XXYLT1: variants seen among roughly 807,000 people sequenced by gnomAD.
The protein encoded by XXYLT1 is UDP-xylose:alpha-xyloside alpha-1,3-xylosyltransferase.
XXYLT1 carries 20 observed loss-of-function variants against 28.9 expected under a neutral mutation model. The observed-to-expected ratio is 0.69, with a 90% CI of 0.49 to 1.00. The LOEUF (loss-of-function observed/expected upper bound fraction) is 1.00. XXYLT1 is among the 50% of genes least tolerant of loss of function. XXYLT1 has a pLI of 0.00. For synonymous variants in XXYLT1, 257 were observed against 253.8 expected (o/e 1.01, Z -0.12); for missense variants, 542 against 560.1 (o/e 0.97, Z 0.33).
chr3:195,265,044 A>G (rs1347843777), intron 1 of XXYLT1, among the ~76,000 whole-genome samples: 1 of 151,928 alleles, frequency 6.6e-6, no homozygotes, highest in African/African-American at 2.4e-5. Flanking sequence ...CCTGCGCGGC[A>G]GACAGAAACC....
At chr3:195,212,547 G>A (rs1207363102) in intron 2 of XXYLT1, among the ~76,000 whole-genome samples, 2 of 152,156 alleles carry the variant, frequency 1.3e-5, no homozygotes, top group African/African-American at 4.8e-5. Context: ...CGCACAGCAG[G>A]CGGTGGGAGG....
intron 3 of XXYLT1, among the ~76,000 whole-genome samples, chr3:195,112,755 GCGCGCATGCA>G (rs1717836298): frequency 8.7e-6 from 1 of 114,672 alleles, no homozygotes; most frequent in Non-Finnish European, 1.9e-5. Context: ...CTGAAGCAGT[GCGCGCATGCA>G]CACACACACA....
Position 195,076,150 on chromosome 3 carries a change from T to C in XXYLT1, c.786-6039A>G, listed in dbSNP as rs1244783864. ...CAACTGCTGGCATCTCTGCACCATC[T>C]GCACAGCCTGAGAGAACAGAGGTTC... On this transcript the variant is annotated intron_variant, in intron 3 of 3. Transcript: ENST00000310380. This position sits in a 1 kb window ranked among gnomAD's most constrained non-coding sequence, Gnocchi z 5.3. Among the ~76,000 whole-genome samples, 1 of 152,168 alleles carries C rather than the reference T, an allele frequency of 6.6e-6. No homozygotes were observed. Among genetic ancestry groups the C allele is most frequent in the Non-Finnish European group, 1.5e-5 (1 of 68,026 alleles).
rs75460797 is a variant in XXYLT1 at position 195,104,758 on chromosome 3, G to A, written c.786-34647C>T. On this transcript the variant is annotated intron_variant, in intron 3 of 3. Coordinates refer to ENST00000310380, the MANE Select transcript of XXYLT1 (RefSeq NM_152531.5). ...TTTAAATGTTGGCAACTAATACAAAGTAACAACAACAACAAAATGCTACAG... is the reference window on the plus strand; with the variant it reads ...TTTAAATGTTGGCAACTAATACAAAATAACAACAACAACAAAATGCTACAG... Among the ~76,000 whole-genome samples, 1,085 of 152,216 alleles carry A rather than the reference G, an allele frequency of 7.1e-3. 6 individuals are homozygous for A. Among genetic ancestry groups the A allele is most frequent in the Admixed American group, 0.011 (171 of 15,294 alleles).
chr3:195,148,580 C>T (rs1189038953), intron 3 of XXYLT1, among the ~76,000 whole-genome samples: 1 of 152,140 alleles, frequency 6.6e-6, no homozygotes, highest in Non-Finnish European at 1.5e-5. Context: ...GGCTGGTTCC[C>T]TTACAACGGA....
intron 1 of XXYLT1, among the ~76,000 whole-genome samples, chr3:195,250,142 G>A (rs1006067382): frequency 6.6e-6 from 1 of 152,152 alleles, no homozygotes; most frequent in Non-Finnish European, 1.5e-5. Context: ...CTGAGCCTCC[G>A]ACACAGCAGC....
chr3:195,217,096 T>A (rs891032554), intron 2 of XXYLT1, among the ~76,000 whole-genome samples: 3 of 135,696 alleles, frequency 2.2e-5, no homozygotes, highest in Non-Finnish European at 4.5e-5. Context: ...GAAAAAGCCT[T>A]TGATAAAATT....
At chr3:195,125,818 C>T (rs1176351305) in intron 3 of XXYLT1, among the ~76,000 whole-genome samples, 1 of 152,192 alleles carries the variant, frequency 6.6e-6, no homozygotes, top group Non-Finnish European at 1.5e-5. Flanking sequence ...TGGCAGAGAC[C>T]TGCGTGAGGA....
At chr3:195,172,882 T>C (rs1371212020) in intron 2 of XXYLT1, among the ~76,000 whole-genome samples, 2 of 152,160 alleles carry the variant, frequency 1.3e-5, no homozygotes, top group Non-Finnish European at 2.9e-5. Context: ...CACATTTCTG[T>C]TAAAAAGCGG....
chr3:195,158,860 T>C (rs77855194), intron 2 of XXYLT1, among the ~76,000 whole-genome samples: 19,083 of 152,218 alleles, frequency 0.13, 1,753 homozygotes, highest in East Asian at 0.42. Flanking sequence ...TGGAATTCAT[T>C]AGGATGAGGT....
intron 1 of XXYLT1, chr3:195,270,225 G>C (rs1376505091): frequency 1.7e-6 from 1 of 580,288 alleles, no homozygotes. Flanking sequence ...ATAAACAGAG[G>C]TGCAGACTCT....
Position 195,268,445 on chromosome 3 carries a change from C to A in XXYLT1, c.504+2110G>T, listed in dbSNP as rs202065674. Among the ~76,000 whole-genome samples, 210 of 131,168 alleles carry A rather than the reference C, an allele frequency of 1.6e-3. 1 individual carries two copies. The highest frequency in any genetic ancestry group is 1.3e-3 in the Non-Finnish European group (77 of 61,328). 86.1% of individuals were successfully genotyped at this position (131,168 alleles called of 152,430 possible). On this transcript the variant is annotated intron_variant, in intron 1 of 3. Coordinates refer to ENST00000310380, the MANE Select transcript of XXYLT1 (RefSeq NM_152531.5). The stretch of plus-strand genomic sequence containing the variant: ...AAACTCTGTCTCAAAAAAAAAAAAA[C>A]AAAAAATTTAGCCAGCGTGGTGGTG...
At chr3:195,270,100 T>G in intron 1 of XXYLT1, 1 of 296,350 alleles carries the variant, frequency 3.4e-6, no homozygotes, top group Non-Finnish European at 6.9e-6. Flanking sequence ...TTAAGAGCAA[T>G]GAGAAGTGTC....
chr3:195,228,953 CA>C (rs1462178350), intron 1 of XXYLT1, among the ~76,000 whole-genome samples: 1 of 151,926 alleles, frequency 6.6e-6, no homozygotes, highest in African/African-American at 2.4e-5. Context: ...GCTGGGATTA[CA>C]GGCGCCCACC....
chr3:195,193,013 C>T (rs908148130), intron 2 of XXYLT1, among the ~76,000 whole-genome samples: 55 of 152,136 alleles, frequency 3.6e-4, no homozygotes, highest in African/African-American at 1.2e-3. Flanking sequence ...TGGCCAGGCA[C>T]GATGGCTCAC....
rs1164653182 is a variant in XXYLT1, at chr3:195,127,647, C to T, written c.785+28802G>A. Among the ~76,000 whole-genome samples the T allele has an allele frequency of 3.3e-5, 5 of 152,024 alleles. No homozygotes were observed. In the South Asian group the frequency reaches 6.2e-4, roughly 19 times the overall value. On this transcript the variant is annotated intron_variant, in intron 3 of 3. Transcript: ENST00000310380. Reference sequence around the variant, plus strand: ...AAACAATTTGCTGGGCATGGTGACACGTGCCTGTAGACCCAGCTACTTGGG... The same window carrying T: ...AAACAATTTGCTGGGCATGGTGACATGTGCCTGTAGACCCAGCTACTTGGG...
Position 195,077,704 on chromosome 3 carries a change from G to A in XXYLT1, c.786-7593C>T, listed in dbSNP as rs1014452645. 6.6e-6 allele frequency among the ~76,000 whole-genome samples: 1 copy of A among 152,202 alleles called. No individual in the cohort carries two copies. Among genetic ancestry groups the A allele is most frequent in the Non-Finnish European group, 1.5e-5 (1 of 68,018 alleles). ...AAGGCCTCTGACCTGGTGCAGGGCA[G>A]CCCTTCAGCCCCCTGCAGGCGTCCG... On this transcript the variant is annotated intron_variant, in intron 3 of 3. Coordinates refer to ENST00000310380, the MANE Select transcript of XXYLT1 (RefSeq NM_152531.5). The surrounding 1 kb of genome is among the most constrained non-coding windows in gnomAD (Gnocchi z 4.8).
chr3:195,236,671 C>T (rs189995534), intron 1 of XXYLT1, among the ~76,000 whole-genome samples: 2,680 of 146,106 alleles, frequency 0.018, 70 homozygotes, highest in African/African-American at 0.064. Context: ...AGTCTCTCCT[C>T]GTTAACCACC....
chr3:195,148,715 A>C (rs1342410286), intron 3 of XXYLT1, among the ~76,000 whole-genome samples: 1 of 152,190 alleles, frequency 6.6e-6, no homozygotes, highest in Non-Finnish European at 1.5e-5. Context: ...GTGCTTGGCT[A>C]GAGGTTAGTG....
Sources: gnomAD v4.1 joint callset for allele counts (sites outside exome capture counted in the v4.1 genomes callset) on GRCh38, gnomAD v4.1.1 for gene constraint, Gnocchi (gnomAD v3.1) non-coding constraint, MANE v1.5 for transcripts, NCBI Gene and HGNC (gene_info 2026-07-23, HGNC 2026-07-21) for gene names.